The following FAM184B variants were observed in gnomAD, a reference collection of about 807,000 sequenced individuals.
FAM184B encodes the protein protein FAM184B.
Under a neutral mutation model 135.9 loss-of-function variants are expected in FAM184B, and 111 were observed. The ratio of observed to expected loss-of-function variants is 0.82; its 90% CI spans 0.70 to 0.96. The LOEUF (loss-of-function observed/expected upper bound fraction) is 0.96, where lower values mean the gene tolerates loss of function less well. FAM184B is among the 40% of genes least tolerant of loss of function. FAM184B has a pLI of 0.00. For missense variants in FAM184B, 1,375 were observed against 1,323.9 expected (o/e 1.04, Z -0.60); for synonymous variants, 552 against 524.8 (o/e 1.05, Z -0.71).
At chr4:17,646,430 G>T (rs192439903) in intron 12 of FAM184B, among the ~76,000 whole-genome samples, 3,394 of 152,282 alleles carry the variant, frequency 0.022, 117 homozygotes, top group African/African-American at 0.077. Context: ...GTCCTTTGTA[G>T]GGACATGGAT....
At chr4:17,776,503 C>G (rs1048029221) in intron 1 of FAM184B, among the ~76,000 whole-genome samples, 30 of 152,218 alleles carry the variant, frequency 2.0e-4, no homozygotes, top group Admixed American at 2.0e-3. Context: ...ATTCTCCTGC[C>G]TCAGCCTGCC....
intron 1 of FAM184B, among the ~76,000 whole-genome samples, chr4:17,747,847 G>A (rs1482209251): frequency 8.1e-5 from 12 of 148,444 alleles, no homozygotes; most frequent in African/African-American, 3.0e-4. Flanking sequence ...CGTGAACCCG[G>A]GAGGCGGAGC....
At chr4:17,727,665 A>C (rs1456418877) in intron 1 of FAM184B, among the ~76,000 whole-genome samples, 1 of 152,202 alleles carries the variant, frequency 6.6e-6, no homozygotes, top group African/African-American at 2.4e-5. Context: ...CTTCATTTTC[A>C]GATCAACAGA....
At chr4:17,702,100 T>G (rs1378209581) in intron 5 of FAM184B, among the ~76,000 whole-genome samples, 2 of 152,014 alleles carry the variant, frequency 1.3e-5, no homozygotes, top group Non-Finnish European at 2.9e-5. Flanking sequence ...GCAGCATAGG[T>G]GTTCTAATTT....
chr4:17,646,025 TGA>T (rs999846826), intron 12 of FAM184B, among the ~76,000 whole-genome samples: 16 of 152,078 alleles, frequency 1.1e-4, no homozygotes, highest in African/African-American at 3.9e-4. Context: ...AAAACCACAA[TGA>T]GATACCATCT....
At chr4:17,771,716 C>T (rs760487600) in intron 1 of FAM184B, among the ~76,000 whole-genome samples, 1 of 152,200 alleles carries the variant, frequency 6.6e-6, no homozygotes, top group Non-Finnish European at 1.5e-5. Flanking sequence ...CATCACTCCT[C>T]CTGCCCTACA....
chr4:17,672,926 A>G (rs778731832), intron 7 of FAM184B, among the ~76,000 whole-genome samples: 9 of 152,272 alleles, frequency 5.9e-5, no homozygotes, highest in East Asian at 5.8e-4. Flanking sequence ...CTCTTCCTCT[A>G]TCTTGCAGCA....
intron 7 of FAM184B, among the ~76,000 whole-genome samples, chr4:17,686,086 T>C (rs1716579627): frequency 6.6e-6 from 1 of 152,178 alleles, no homozygotes. Context: ...CCACAGTCAC[T>C]TTGAGGAGCT....
rs1370923569 is a variant in FAM184B, at chr4:17,630,096, A to C, written c.*2436T>G. ...GGAGTCAAAACCTATGTACGATCTC[A>C]ACTAGTAAAATTTTCTCCTTGCCCA... On this transcript the variant is annotated 3_prime_UTR_variant, in exon 18 of 18. Coordinates refer to ENST00000265018, the MANE Select transcript of FAM184B (RefSeq NM_015688.2). 6.6e-6 allele frequency: 1 copy of C among 152,232 alleles called. No homozygotes were observed. The highest frequency in any genetic ancestry group is 1.9e-4 in the East Asian group (1 of 5,204). The allele number at this position is 152,232 out of a possible 1,614,324, so 9.4% of individuals were successfully genotyped here. A position where few individuals can be genotyped will look rare whatever the true frequency, so the allele number is the denominator to read the frequency against.
chr4:17,697,407 GAA>G (rs950833200), intron 5 of FAM184B, among the ~76,000 whole-genome samples: 1 of 140,232 alleles, frequency 7.1e-6, no homozygotes, highest in Admixed American at 7.8e-5. Flanking sequence ...TAAAAGAGAA[GAA>G]AAAAAAACCC....
intron 1 of FAM184B, among the ~76,000 whole-genome samples, chr4:17,750,679 A>G (rs573837245): frequency 2.6e-5 from 4 of 152,338 alleles, no homozygotes; most frequent in African/African-American, 7.2e-5. Context: ...TCTAAGAATT[A>G]CCGTTCTAAT....
Position 17,632,256 on chromosome 4 carries a change from G to T in FAM184B, c.*276C>A. 9.5e-6 allele frequency: 2 copies of T among 210,522 alleles called. No individual in the cohort carries two copies. The highest frequency in any genetic ancestry group is 2.3e-5 in the African/African-American group (1 of 43,504). 13.0% of individuals were successfully genotyped at this position (210,522 alleles called of 1,614,324 possible). A position where few individuals can be genotyped will look rare whatever the true frequency, so the allele number is the denominator to read the frequency against. ...TGCCTGGCTAATTTTTGTATATTTT[G>T]TAGAGATGGGGTTTCACCATATTGG... On this transcript the variant is annotated 3_prime_UTR_variant, in exon 18 of 18. Coordinates refer to ENST00000265018, the MANE Select transcript of FAM184B (RefSeq NM_015688.2).
At chr4:17,659,887 A>G (rs1715872338) in intron 9 of FAM184B, 71 bp downstream of exon 9, 1 of 1,532,644 alleles carries the variant, frequency 6.5e-7, no homozygotes, top group African/African-American at 1.4e-5. Context: ...CCCTGCATGC[A>G]TTTCCAAGTT....
chr4:17,651,398 C>T (rs969201558), intron 11 of FAM184B, among the ~76,000 whole-genome samples: 1 of 151,622 alleles, frequency 6.6e-6, no homozygotes, highest in Non-Finnish European at 1.5e-5. Flanking sequence ...ATTAGCCGGG[C>T]GTGGTGGCGG....
intron 5 of FAM184B, among the ~76,000 whole-genome samples, chr4:17,698,755 A>G (rs1468313019): frequency 6.6e-6 from 1 of 152,208 alleles, no homozygotes; most frequent in African/African-American, 2.4e-5. Flanking sequence ...ATGTTATGTT[A>G]TGTATAATTT....
intron 10 of FAM184B, among the ~76,000 whole-genome samples, chr4:17,654,857 C>G (rs1172336158): frequency 2.0e-5 from 3 of 152,122 alleles, no homozygotes; most frequent in Non-Finnish European, 4.4e-5. Flanking sequence ...ATGTCTTTTT[C>G]TTTTTCTTTT....
chr4:17,734,515 G>A (rs901351936), intron 1 of FAM184B, among the ~76,000 whole-genome samples: 9 of 152,136 alleles, frequency 5.9e-5, no homozygotes, highest in Non-Finnish European at 1.2e-4. Flanking sequence ...CAAAAAGTGG[G>A]CAAAGGATAT....
intron 2 of FAM184B, 138 bp from the exon 3 acceptor site, chr4:17,707,922 A>G: frequency 3.3e-6 from 3 of 900,840 alleles, no homozygotes; most frequent in Non-Finnish European, 4.9e-6. Context: ...TCAGTGGCCC[A>G]GGGCTCATCA....
At chr4:17,725,919 C>G (rs541275863) in intron 1 of FAM184B, among the ~76,000 whole-genome samples, 104 of 151,932 alleles carry the variant, frequency 6.8e-4, no homozygotes, top group Non-Finnish European at 1.3e-3. Context: ...ATTTACTAAT[C>G]AAAACTCTTC....
Sources: allele counts gnomAD v4.1 joint callset (sites outside exome capture counted in the v4.1 genomes callset), GRCh38; gene constraint gnomAD v4.1.1; transcripts MANE v1.5; gene names NCBI Gene and HGNC (gene_info 2026-07-23, HGNC 2026-07-21).